The following CNTNAP5 variants were observed in gnomAD, a reference collection of about 807,000 sequenced individuals.
The protein encoded by CNTNAP5 is contactin-associated protein-like 5.
Under a neutral mutation model 150.2 loss-of-function variants are expected in CNTNAP5, and 72 were observed. The observed-to-expected ratio is 0.48, with a 90% CI of 0.40 to 0.58. The LOEUF is 0.58. CNTNAP5 is among the 20% of genes least tolerant of loss of function. The probability of loss-of-function intolerance (pLI) is 0.00; values close to 1 mark genes in which losing one functional copy is unlikely to be tolerated. For synonymous variants in CNTNAP5, 672 were observed against 619.8 expected, an observed-to-expected ratio of 1.08 and a Z score of -1.25; for missense variants, 1,636 against 1,626.2, an observed-to-expected ratio of 1.01 and a Z score of -0.10.
chr2:124,218,896 A>G (rs944616828), intron 1 of CNTNAP5, among the ~76,000 whole-genome samples: 8 of 152,072 alleles, frequency 5.3e-5, no homozygotes, highest in African/African-American at 1.9e-4. Context: ...ACATCTCTAT[A>G]TTTCTCAATG....
chr2:124,815,087 C>T (rs562645375), intron 19 of CNTNAP5, among the ~76,000 whole-genome samples: 6 of 152,162 alleles, frequency 3.9e-5, no homozygotes, highest in South Asian at 2.1e-4. Flanking sequence ...TCCCCTCTGA[C>T]GTTCCTGATT....
At chr2:124,781,068 G>C (rs768753255) in intron 17 of CNTNAP5, among the ~76,000 whole-genome samples, 1 of 152,228 alleles carries the variant, frequency 6.6e-6, no homozygotes, top group Non-Finnish European at 1.5e-5. Flanking sequence ...ACAGTGGTCT[G>C]ATTCTGCACT....
chr2:124,865,790 A>G (rs972170515), intron 20 of CNTNAP5, among the ~76,000 whole-genome samples: 5 of 151,906 alleles, frequency 3.3e-5, no homozygotes, highest in African/African-American at 1.2e-4. Flanking sequence ...CTAAAAATAC[A>G]AAAATTAGCC....
chr2:124,751,565 T>A (rs113332169), intron 14 of CNTNAP5, among the ~76,000 whole-genome samples: 2,230 of 152,364 alleles, frequency 0.015, 58 homozygotes, highest in African/African-American at 0.051. Context: ...GTGAAATAGT[T>A]AATCAAGTTC....
chr2:124,174,131 A>G (rs1159474901), intron 1 of CNTNAP5, among the ~76,000 whole-genome samples: 1 of 148,432 alleles, frequency 6.7e-6, no homozygotes, highest in Non-Finnish European at 1.5e-5. Context: ...AAAAAGATTC[A>G]TTTCAAAATA....
rs565263403 is a variant in CNTNAP5, at chr2:124,259,529, G to A, written c.381+17136G>A. ...TCCTCTCCAGCACCTGTTGTTTCCT[G>A]ACTTTTTAATGATGGCCATTCTAAC... On this transcript the variant is annotated intron_variant, in intron 3 of 23. Coordinates refer to ENST00000682447, the MANE Select transcript of CNTNAP5 (RefSeq NM_001367498.1). Among the ~76,000 whole-genome samples the A allele has an allele frequency of 2.7e-3, 418 of 152,254 alleles. 2 individuals carry two copies. The highest frequency in any genetic ancestry group is 9.5e-3 in the African/African-American group (393 of 41,546).
chr2:124,110,376 G>T (rs1044838942), intron 1 of CNTNAP5, among the ~76,000 whole-genome samples: 3 of 152,100 alleles, frequency 2.0e-5, no homozygotes, highest in Non-Finnish European at 4.4e-5. Flanking sequence ...ATATATTTTG[G>T]CTGTTTGGCC....
intron 7 of CNTNAP5, among the ~76,000 whole-genome samples, chr2:124,502,983 G>T (rs1694312029): frequency 6.6e-6 from 1 of 152,154 alleles, no homozygotes; most frequent in East Asian, 1.9e-4. Context: ...CGGCATTGTT[G>T]TGCAGAATTC....
intron 3 of CNTNAP5, among the ~76,000 whole-genome samples, chr2:124,259,389 T>G (rs1261566539): frequency 1.3e-5 from 2 of 152,136 alleles, no homozygotes; most frequent in South Asian, 2.1e-4. Context: ...GGGATGGCTG[T>G]GTCAAATGGT....
At chr2:124,908,647 G>A (rs908750088) in intron 22 of CNTNAP5, among the ~76,000 whole-genome samples, 3 of 152,022 alleles carry the variant, frequency 2.0e-5, no homozygotes, top group Non-Finnish European at 4.4e-5. Context: ...AAAGCCTCAG[G>A]CATTTTCTTC....
intron 13 of CNTNAP5, among the ~76,000 whole-genome samples, chr2:124,732,232 C>T (rs1680287530): frequency 6.6e-6 from 1 of 152,006 alleles, no homozygotes; most frequent in South Asian, 2.1e-4. Flanking sequence ...ATAATTGAGT[C>T]TCAGTTGCTC....
At chr2:124,525,904 G>C (rs557121042) in intron 9 of CNTNAP5, among the ~76,000 whole-genome samples, 218 of 152,316 alleles carry the variant, frequency 1.4e-3, no homozygotes, top group Non-Finnish European at 1.8e-3. Flanking sequence ...TTCCAGATCT[G>C]TGTTCCCACA....
chr2:124,674,816 A>T (rs950427569), intron 13 of CNTNAP5, among the ~76,000 whole-genome samples: 7 of 151,848 alleles, frequency 4.6e-5, no homozygotes, highest in African/African-American at 1.7e-4. Flanking sequence ...TTGATTTTTA[A>T]TTTAAATTTA....
At chr2:124,740,568 G>A (rs1680477196) in intron 13 of CNTNAP5, among the ~76,000 whole-genome samples, 1 of 152,038 alleles carries the variant, frequency 6.6e-6, no homozygotes, top group South Asian at 2.1e-4. Context: ...GACACTAGCG[G>A]TTTCTAACCA....
intron 1 of CNTNAP5, among the ~76,000 whole-genome samples, chr2:124,109,472 G>C (rs969651259): frequency 6.6e-6 from 1 of 152,342 alleles, no homozygotes; most frequent in African/African-American, 2.4e-5. Context: ...TGAGGTAGGC[G>C]CATCAGTAGT....
intron 13 of CNTNAP5, among the ~76,000 whole-genome samples, chr2:124,655,991 GAAA>G (rs1558722563): frequency 3.9e-4 from 50 of 127,334 alleles, no homozygotes; most frequent in Non-Finnish European, 6.9e-4. Flanking sequence ...AAGAAAGAAA[GAAA>G]GAAAAAAGGA....
At chr2:124,227,316 C>T (rs1455924614) in intron 2 of CNTNAP5, among the ~76,000 whole-genome samples, 1 of 152,092 alleles carries the variant, frequency 6.6e-6, no homozygotes. Context: ...TCTATTCTCT[C>T]TTCCAAGAGG....
intron 4 of CNTNAP5, among the ~76,000 whole-genome samples, chr2:124,428,561 G>A (rs1257515394): frequency 6.9e-6 from 1 of 145,796 alleles, no homozygotes; most frequent in Non-Finnish European, 1.6e-5. Context: ...GGGAGCAAGT[G>A]AAAGAGCAAG....
In CNTNAP5 at chr2:124,110,463, C is replaced by T. The variant is rs139284429; in HGVS notation, c.82+84731C>T. 2.6e-5 allele frequency among the ~76,000 whole-genome samples: 4 copies of T among 152,230 alleles called. No homozygotes were observed. In the East Asian group the frequency reaches 7.7e-4, roughly 29 times the overall value. Reference sequence around the variant, plus strand: ...TTAGAATGAAATTGGCAGCAAAACACATATTCATATTAAAGAGAAATAAAC... The same window carrying T: ...TTAGAATGAAATTGGCAGCAAAACATATATTCATATTAAAGAGAAATAAAC... On this transcript the variant is annotated intron_variant, in intron 1 of 23. Transcript: ENST00000682447.
Sources: gnomAD v4.1 joint callset for allele counts (sites outside exome capture counted in the v4.1 genomes callset) on GRCh38, gnomAD v4.1.1 for gene constraint, MANE v1.5 for transcripts, NCBI Gene and HGNC (gene_info 2026-07-23, HGNC 2026-07-21) for gene names.